The following GYPE variants were observed in gnomAD, a reference collection of about 807,000 sequenced individuals.
The protein encoded by GYPE is glycophorin E (MNS blood group), also known as glycophorin-E.
Under a neutral mutation model 11.6 loss-of-function variants are expected in GYPE, and 8 were observed. The ratio of observed to expected loss-of-function variants is 0.69; its 90% CI spans 0.41 to 1.25. GYPE has a LOEUF of 1.25. GYPE is among the 50% of genes most tolerant of loss of function. The probability of loss-of-function intolerance (pLI) is 0.01; values close to 1 mark genes in which losing one functional copy is unlikely to be tolerated. For missense variants in GYPE, 90 were observed against 92.8 expected (o/e 0.97, Z 0.12); for synonymous variants, 28 against 29.6 (o/e 0.94, Z 0.18).
chr4:143,872,970 A>T (rs201067350), intron 3 of GYPE, among the ~76,000 whole-genome samples: 1 of 152,104 alleles, frequency 6.6e-6, no homozygotes, highest in South Asian at 2.1e-4. Flanking sequence ...ATTCTGGTGC[A>T]GTGAAAAACC....
chr4:143,891,059 G>A (rs111772417), intron 1 of GYPE, among the ~76,000 whole-genome samples: 2,165 of 152,210 alleles, frequency 0.014, 56 homozygotes, highest in African/African-American at 0.05. Context: ...TCTGTTGAGA[G>A]CCCTTAGTAC....
At chr4:143,874,113 T>C (rs1244510500) in intron 3 of GYPE, among the ~76,000 whole-genome samples, 4 of 152,190 alleles carry the variant, frequency 2.6e-5, no homozygotes, top group African/African-American at 7.2e-5. Flanking sequence ...TATATATATG[T>C]ATATATGTAT....
At chr4:143,879,612 T>G (rs919072662) in intron 2 of GYPE, among the ~76,000 whole-genome samples, 7 of 152,248 alleles carry the variant, frequency 4.6e-5, no homozygotes, top group African/African-American at 1.4e-4. Context: ...GAACATATCA[T>G]TTTCCTCTTC....
chr4:143,887,550 A>C (rs1744252682), intron 1 of GYPE, among the ~76,000 whole-genome samples: 1 of 147,762 alleles, frequency 6.8e-6, no homozygotes, highest in African/African-American at 2.5e-5. Context: ...CAAATGAATC[A>C]CTGGATGAAC....
rs1743622365 is a variant in GYPE at position 143,871,588 on chromosome 4, A to G, written c.*674T>C. ...TCGTCAGTGACCTGGTGGTGAATAT[A>G]TGGTAATGGGTAAATCCCACTTCAC... On this transcript the variant is annotated 3_prime_UTR_variant, in exon 4 of 4. Coordinates refer to ENST00000358615, the MANE Select transcript of GYPE (RefSeq NM_198682.3). 6.6e-6 allele frequency: 1 copy of G among 152,296 alleles called. No individual in the cohort carries two copies. Among genetic ancestry groups the G allele is most frequent in the East Asian group, 1.9e-4 (1 of 5,158 alleles). 9.4% of individuals were successfully genotyped at this position (152,296 alleles called of 1,614,324 possible). A position where few individuals can be genotyped will look rare whatever the true frequency, so the allele number is the denominator to read the frequency against.
chr4:143,900,891 A>G (rs1744840996), intron 1 of GYPE, among the ~76,000 whole-genome samples: 1 of 152,156 alleles, frequency 6.6e-6, no homozygotes, highest in Non-Finnish European at 1.5e-5. Context: ...AATGTTCTGG[A>G]GCTACATAAT....
intron 1 of GYPE, among the ~76,000 whole-genome samples, chr4:143,892,373 GC>G (rs1744442853): frequency 6.7e-6 from 1 of 150,166 alleles, no homozygotes. Flanking sequence ...GTTTGCTCTT[GC>G]TTTTCTAGTT....
chr4:143,901,981 G>T (rs1353713045), intron 1 of GYPE, among the ~76,000 whole-genome samples: 1 of 152,028 alleles, frequency 6.6e-6, no homozygotes, highest in African/African-American at 2.4e-5. Context: ...AACTAGTCCA[G>T]CTCATCTCAG....
At chr4:143,898,217 A>G (rs1346145736) in intron 1 of GYPE, among the ~76,000 whole-genome samples, 1 of 152,144 alleles carries the variant, frequency 6.6e-6, no homozygotes, top group Non-Finnish European at 1.5e-5. Flanking sequence ...TCTCTACTAA[A>G]ATACAAAAAA....
intron 1 of GYPE, among the ~76,000 whole-genome samples, chr4:143,894,082 T>G (rs1341871581): frequency 6.6e-6 from 1 of 152,206 alleles, no homozygotes; most frequent in Non-Finnish European, 1.5e-5. Flanking sequence ...ACTGATACCC[T>G]TTCTTCCAGT....
chr4:143,892,331 T>C (rs1744441406), intron 1 of GYPE, among the ~76,000 whole-genome samples: 1 of 151,598 alleles, frequency 6.6e-6, no homozygotes, highest in African/African-American at 2.4e-5. Flanking sequence ...CTGATTTTAG[T>C]TATTTCTTGC....
chr4:143,876,488 C>T (rs1268881546), intron 3 of GYPE, among the ~76,000 whole-genome samples: 1 of 151,998 alleles, frequency 6.6e-6, no homozygotes, highest in Admixed American at 6.6e-5. Flanking sequence ...TATGTGAAAG[C>T]AAGTTAGACA....
chr4:143,899,305 C>G (rs375420135), intron 1 of GYPE, among the ~76,000 whole-genome samples: 2 of 151,996 alleles, frequency 1.3e-5, no homozygotes, highest in African/African-American at 4.8e-5. Context: ...AGTGGAACTG[C>G]CTAGGCTCAA....
At chr4:143,884,449 G>GT (rs534426854) in intron 1 of GYPE, among the ~76,000 whole-genome samples, 1 of 44,650 alleles carries the variant, frequency 2.2e-5, no homozygotes, top group African/African-American at 6.6e-5. Flanking sequence ...TTTACAAAAG[G>GT]TTTTTTTTGG....
chr4:143,880,589 T>C (rs1182773930), intron 1 of GYPE, 80 bp from the exon 2 acceptor site: 3 of 1,604,084 alleles, frequency 1.9e-6, no homozygotes, highest in East Asian at 4.5e-5. Flanking sequence ...AAAGACAAAT[T>C]CCCTCACATC....
At chr4:143,900,884 G>A (rs1232379692) in intron 1 of GYPE, among the ~76,000 whole-genome samples, 8 of 152,142 alleles carry the variant, frequency 5.3e-5, no homozygotes, top group Non-Finnish European at 1.2e-4. Context: ...TGATGAAAAT[G>A]TTCTGGAGCT....
intron 1 of GYPE, among the ~76,000 whole-genome samples, chr4:143,892,977 T>C (rs1455798559): frequency 6.9e-6 from 1 of 145,234 alleles, no homozygotes; most frequent in Non-Finnish European, 1.5e-5. Context: ...GGACTTGCTT[T>C]ATGAATCTGG....
chr4:143,895,903 G>A (rs1204198607), intron 1 of GYPE, among the ~76,000 whole-genome samples: 1 of 152,068 alleles, frequency 6.6e-6, no homozygotes, highest in East Asian at 1.9e-4. Context: ...ACAAGCAATG[G>A]GGAAAGGATT....
intron 1 of GYPE, among the ~76,000 whole-genome samples, chr4:143,882,779 C>G (rs1744089485): frequency 6.6e-6 from 1 of 152,158 alleles, no homozygotes; most frequent in African/African-American, 2.4e-5. Flanking sequence ...GTGTAATCCA[C>G]TTACATTTAG....
Sources: gnomAD v4.1 joint callset for allele counts (sites outside exome capture counted in the v4.1 genomes callset) on GRCh38, gnomAD v4.1.1 for gene constraint, MANE v1.5 for transcripts, NCBI Gene and HGNC (gene_info 2026-07-23, HGNC 2026-07-21) for gene names.